Variants in ERBB2 observed in about 807,000 individuals in gnomAD.
ERBB2 encodes the protein erb-b2 receptor tyrosine kinase 2.
A neutral mutation model predicts 149.0 loss-of-function variants in ERBB2; 61 were observed. The ratio of observed to expected loss-of-function variants is 0.41; its 90% confidence interval spans 0.33 to 0.51. The LOEUF (loss-of-function observed/expected upper bound fraction) is 0.51. Ranked by LOEUF, ERBB2 falls within the 20% of genes least tolerant of loss-of-function variation. The probability of loss-of-function intolerance (pLI) is 0.25; values close to 1 mark genes in which losing one functional copy is unlikely to be tolerated. For missense variants in ERBB2, 1,205 were observed against 1,655.1 expected, an observed-to-expected ratio of 0.73 and a Z score of 4.72; for synonymous variants, 633 against 678.8, an observed-to-expected ratio of 0.93 and a Z score of 1.05.
rs202031022 is a variant in ERBB2, at chr17:39,723,527, C to T, written c.2086-11C>T. ...GGCCCCCGGCACTGACCCACCACCCCCTCACCCCAGCTGGTGGAGCCGCTG... is the reference window on the plus strand; with the variant it reads ...GGCCCCCGGCACTGACCCACCACCCTCTCACCCCAGCTGGTGGAGCCGCTG... On this transcript the variant is annotated splice_polypyrimidine_tract_variant and intron_variant, in intron 17 of 26. Coordinates refer to ENST00000269571, the MANE Select transcript of ERBB2 (RefSeq NM_004448.4). The surrounding 1 kb of genome is among the most constrained non-coding windows in gnomAD (Gnocchi z 6.2). The T allele has an allele frequency of 1.2e-6, 2 of 1,612,736 alleles. No individual in the cohort carries two copies. Among genetic ancestry groups the T allele is most frequent in the Non-Finnish European group, 1.7e-6 (2 of 1,179,424 alleles).
chr17:39,724,236 A>G (rs975873583), intron 19 of ERBB2, among the ~76,000 whole-genome samples: 1 of 143,118 alleles, frequency 7.0e-6, no homozygotes, highest in East Asian at 2.0e-4. Flanking sequence ...TTCATGCCTC[A>G]GGCTCCTGAG....
chr17:39,723,401 C>A lies in ERBB2; in HGVS notation c.2029C>A (p.Arg677=), dbSNP rs1464672638. The A allele has an allele frequency of 6.2e-7, 1 of 1,614,124 alleles. No individual in the cohort carries two copies. Among genetic ancestry groups the A allele is most frequent in the South Asian group, 1.1e-5 (1 of 91,078 alleles). The change falls in exon 17 of 27, where the codon CGA becomes AGA. Residue 677 remains arginine, a synonymous_variant. Transcript: ENST00000269571. This position sits in a 1 kb window ranked among gnomAD's most constrained non-coding sequence, Gnocchi z 6.2. ...GGTGGTCTTTGGGATCCTCATCAAG[C>A]GACGGCAGCAGAAGATCCGGAAGTA... is the stretch of plus-strand genomic sequence containing the variant. ...LGVVFGILIK[R]RQQKIRKYTM... is the part of the protein sequence containing the mutation.
chr17:39,726,348 C>A lies in ERBB2; in HGVS notation c.2873-214C>A, dbSNP rs917059122. ...ACCTCATCTCAAAAAAATAAAAAAG[C>A]AAACAAAAAGAAAAAAAAAATTAAA... On this transcript the variant is annotated intron_variant, in intron 23 of 26. Coordinates refer to ENST00000269571, the MANE Select transcript of ERBB2 (RefSeq NM_004448.4). This position sits in a 1 kb window ranked among gnomAD's most constrained non-coding sequence, Gnocchi z 5.1. 2.1e-5 allele frequency: 12 copies of A among 564,442 alleles called. No individual in the cohort carries two copies. The African/African-American group carries it at 2.3e-4, about 11-fold the overall frequency. The allele number at this position is 564,442 out of a possible 1,614,324, so 35.0% of individuals were successfully genotyped here.
intron 16 of ERBB2, among the ~76,000 whole-genome samples, chr17:39,722,926 T>C (rs2059526154): frequency 6.6e-6 from 1 of 152,162 alleles, no homozygotes; most frequent in Non-Finnish European, 1.5e-5. Flanking sequence ...GGTTTCACTA[T>C]GTTGGCCAGG....
chr17:39,708,234 A>C, intron 2 of ERBB2, 87 bp from the exon 3 acceptor site: 1 of 1,012,286 alleles, frequency 9.9e-7, no homozygotes. Context: ...GGCCTTGCCC[A>C]AGATCTCCAA....
At chr17:39,691,934 C>CATATATATATATATATATAT (rs57592884), upstream of ERBB2, among the ~76,000 whole-genome samples, 119 of 120,746 alleles carry the variant, frequency 9.9e-4, no homozygotes, top group African/African-American at 4.2e-3. Flanking sequence ...TATACATATA[C>CATATATATATATATATATAT]ATATATATAT....
intron 16 of ERBB2, 35 bp downstream of exon 16, chr17:39,719,869 C>T (rs2145751312): frequency 1.2e-6 from 2 of 1,605,198 alleles, no homozygotes; most frequent in Non-Finnish European, 1.7e-6. Context: ...CCTTCATTGC[C>T]CTTCACTCCC....
In ERBB2 at chr17:39,707,092, A is replaced by T. The variant is rs2145408909; in HGVS notation, c.176A>T (p.Asn59Ile). The T allele has an allele frequency of 6.2e-7, 1 of 1,605,040 alleles. No homozygotes were observed. Among genetic ancestry groups the T allele is most frequent in the South Asian group, 1.1e-5 (1 of 89,716 alleles). The stretch of plus-strand genomic sequence containing the variant: ...CAGGGCTGCCAGGTGGTGCAGGGAA[A>T]CCTGGAACTCACCTACCTGCCCACC... ...LYQGCQVVQG[N>I]LELTYLPTNA... is the part of the protein sequence containing the mutation. The change falls in exon 2 of 27, where the codon AAC becomes ATC. Residue 59 changes from asparagine to isoleucine, a missense_variant. Around this residue, in one of 6 missense-constraint regions of ERBB2, gnomAD observed 101 missense variants for 95.1 expected, o/e 1.06. Transcript: ENST00000269571.
At position 39,715,294 on chromosome 17, in the gene ERBB2, C is replaced by A. The variant is rs141116145; in HGVS notation, c.1157C>A (p.Ala386Asp). ...TCTCCTGACCCCTCCAGGGACCCAG[C>A]CTCCAACACTGCCCCGCTCCAGCCA... ...FLPESFDGDPASNTAPLQPEQ... is the reference protein window; with the variant it reads ...FLPESFDGDPDSNTAPLQPEQ... The change falls in exon 10 of 27, where the codon GCC (alanine) becomes GAC (aspartate). Residue 386 changes from alanine (A) to aspartate (D), a missense_variant. By Grantham distance (126) the Ala-to-Asp change is moderately radical. Transcript: ENST00000269571. The A allele has an allele frequency of 4.0e-3, 6,413 of 1,613,984 alleles. 25 individuals carry two copies. The highest frequency in any genetic ancestry group is 6.9e-3 in the Middle Eastern group (42 of 6,060).
At position 39,709,844 on chromosome 17, in the gene ERBB2, C is replaced by G. The variant is rs2145491393; in HGVS notation, c.606C>G (p.Ser202=). Residue 202 remains serine, a synonymous_variant, in exon 5 of 27, where the codon TCC becomes TCG. Transcript: ENST00000269571. ...CCTGTTCTCCGATGTGTAAGGGCTC[C>G]CGCTGCTGGGGAGAGAGTTCTGAGG... The part of the protein sequence containing the change: ...CHPCSPMCKG[S]RCWGESSEDC... The G allele has an allele frequency of 6.2e-7, 1 of 1,613,528 alleles. No individual in the cohort carries two copies. The highest frequency in any genetic ancestry group is 1.1e-5 in the South Asian group (1 of 91,090).
upstream of ERBB2, among the ~76,000 whole-genome samples, chr17:39,691,574 T>TATATATATATATATATAC (rs1244087250): frequency 4.1e-5 from 5 of 122,048 alleles, no homozygotes; most frequent in African/African-American, 2.0e-4. Flanking sequence ...TATATATATA[T>TATATATATATATATATAC]ACACACACAC....
intron 11 of ERBB2, 56 bp downstream of exon 11, chr17:39,715,592 G>A: frequency 1.3e-6 from 2 of 1,580,766 alleles, no homozygotes; most frequent in Non-Finnish European, 1.7e-6. Context: ...AGGAGTCCCT[G>A]TGGGAAGCTT....
chr17:39,728,588 A>T lies in ERBB2; in HGVS notation c.*544A>T, dbSNP rs967195174. On this transcript the variant is annotated 3_prime_UTR_variant, in exon 27 of 27. Coordinates refer to ENST00000269571, the MANE Select transcript of ERBB2 (RefSeq NM_004448.4). ...GACCCAGGGGGAGAATGGGTGTTGTATGGGGAGGCAAGTGTGGGGGGTCCT... is the reference window on the plus strand; with the variant it reads ...GACCCAGGGGGAGAATGGGTGTTGTTTGGGGAGGCAAGTGTGGGGGGTCCT... 18 of 233,350 alleles carry T rather than the reference A, an allele frequency of 7.7e-5. No individual in the cohort carries two copies. Among genetic ancestry groups the T allele is most frequent in the African/African-American group, 1.1e-4 (5 of 45,266 alleles). The allele number at this position is 233,350 out of a possible 1,614,324, so 14.5% of individuals were successfully genotyped here.
At chr17:39,712,482 A>G in intron 9 of ERBB2, 34 bp downstream of exon 9, 1 of 1,609,134 alleles carries the variant, frequency 6.2e-7, no homozygotes, top group Non-Finnish European at 8.5e-7. Flanking sequence ...AGACAGTGTC[A>G]GGGCAGACAG....
upstream of ERBB2, among the ~76,000 whole-genome samples, chr17:39,696,063 G>T (rs2057856712): frequency 6.6e-6 from 1 of 151,990 alleles, no homozygotes; most frequent in African/African-American, 2.4e-5. Context: ...TTCCCTGAGG[G>T]TCCCCCTCGC....
intron 1 of ERBB2, chr17:39,706,672 A>C (rs1210432726): frequency 3.9e-6 from 1 of 253,818 alleles, no homozygotes; most frequent in African/African-American, 2.2e-5. Flanking sequence ...TTTGGGACAA[A>C]GGAAGCCTTT....
In ERBB2 at chr17:39,716,547, G is replaced by A. The variant is rs2145687029; in HGVS notation, c.1679G>A (p.Cys560Tyr). ...LPREYVNARH[C>Y]LPCHPECQPQ... is the part of the protein sequence containing the mutation. ...AGGGAGTATGTGAATGCCAGGCACT[G>A]TTTGCCGTGCCACCCTGAGTGTCAG... Residue 560 changes from cysteine to tyrosine, a missense_variant, in exon 14 of 27, where the codon TGT (cysteine) becomes TAT (tyrosine). Cys to Tyr is a radical substitution (Grantham distance 194). This residue lies in a region of ERBB2 where 569 missense variants were observed against 803.5 expected (regional missense o/e 0.71). Transcript: ENST00000269571. 1 of 1,614,190 alleles carries A rather than the reference G, an allele frequency of 6.2e-7. No homozygotes were observed. The highest frequency in any genetic ancestry group is 8.5e-7 in the Non-Finnish European group (1 of 1,180,014).
At chr17:39,708,040 T>A (rs2058557639) in intron 2 of ERBB2, 1 of 352,076 alleles carries the variant, frequency 2.8e-6, no homozygotes, top group Non-Finnish European at 5.1e-6. Context: ...TCCAGGCCTT[T>A]GCTTTCACTG....
intron 1 of ERBB2, among the ~76,000 whole-genome samples, chr17:39,701,714 T>C (rs1339432897): frequency 6.6e-6 from 1 of 152,168 alleles, no homozygotes; most frequent in East Asian, 1.9e-4. Flanking sequence ...CTCTGCTGAC[T>C]TGGGGACACA....
Sources: gnomAD v4.1 joint callset for allele counts (sites outside exome capture counted in the v4.1 genomes callset) on GRCh38, gnomAD v4.1.1 for gene constraint, gnomAD v4.1.1 regional missense constraint, Gnocchi (gnomAD v3.1) non-coding constraint, MANE v1.5 for transcripts, NCBI Gene and HGNC (gene_info 2026-07-23, HGNC 2026-07-21) for gene names.